TSPAN18: variants seen among roughly 807,000 people sequenced by gnomAD.
TSPAN18 encodes tetraspanin-18.
In TSPAN18, 14 loss-of-function variants were observed where a neutral mutation model predicts 27.3. That is an observed-to-expected ratio of 0.51 (90% confidence interval 0.34 to 0.80). The LOEUF is 0.80. Among genes scored for constraint, TSPAN18 ranks in the 30% least tolerant of loss-of-function variants. The pLI is 0.01. For synonymous variants in TSPAN18, 143 were observed against 136.5 expected (o/e 1.05, Z -0.33); for missense variants, 268 against 323.9 (o/e 0.83, Z 1.32).
intron 2 of TSPAN18, among the ~76,000 whole-genome samples, chr11:44,835,571 T>C (rs1422983432): frequency 6.6e-6 from 1 of 151,878 alleles, no homozygotes; most frequent in Non-Finnish European, 1.5e-5. Context: ...GCAACCCAGC[T>C]TGGATCAAGC....
rs193286200 is a variant in TSPAN18 at position 44,915,203 on chromosome 11, G to T, written c.259-2769G>T. Among the ~76,000 whole-genome samples the T allele has an allele frequency of 2.9e-3, 436 of 152,318 alleles. 2 individuals are homozygous for T. Among genetic ancestry groups the T allele is most frequent in the African/African-American group, 0.01 (418 of 41,576 alleles). On this transcript the variant is annotated intron_variant, in intron 5 of 9. Coordinates refer to ENST00000520358, the MANE Select transcript of TSPAN18 (RefSeq NM_130783.5). ...CAGTGGCTCCAGTGAGAGGGCAGAG[G>T]GTGGGGAGGGGCTCCTCATAGAGGA...
rs910697579 is a variant in TSPAN18 at position 44,930,759 on chromosome 11, G to C, written c.*1581G>C. 2 of 440,486 alleles carry C rather than the reference G, an allele frequency of 4.5e-6. No homozygotes were observed. Among genetic ancestry groups the C allele is most frequent in the Non-Finnish European group, 9.3e-6 (2 of 214,608 alleles). The allele number at this position is 440,486 out of a possible 1,614,324, so 27.3% of individuals were successfully genotyped here. On this transcript the variant is annotated 3_prime_UTR_variant, in exon 10 of 10. Transcript: ENST00000520358. ...CGGCAGTGCAATCCTGATGAGTGAT[G>C]TCTGCCAGGCACCGTAAGTTTGATT...
At chr11:44,889,250 T>C (rs1031010498) in intron 3 of TSPAN18, among the ~76,000 whole-genome samples, 1 of 152,246 alleles carries the variant, frequency 6.6e-6, no homozygotes, top group African/African-American at 2.4e-5. Context: ...AGGCCAGTCC[T>C]GCAAGGTCCT....
chr11:44,921,122 G>A (rs1012292845), intron 8 of TSPAN18, among the ~76,000 whole-genome samples: 2 of 152,178 alleles, frequency 1.3e-5, no homozygotes, highest in Admixed American at 6.5e-5. Context: ...TGAGGGCCAC[G>A]TTCTCTCTGT....
intron 1 of TSPAN18, among the ~76,000 whole-genome samples, chr11:44,728,839 C>G (rs995371389): frequency 6.6e-6 from 1 of 152,210 alleles, no homozygotes; most frequent in Admixed American, 6.5e-5. Flanking sequence ...GGACTATTGC[C>G]TCATCTTTCT....
chr11:44,921,562 C>T (rs1860136508), intron 8 of TSPAN18, among the ~76,000 whole-genome samples: 6 of 152,094 alleles, frequency 3.9e-5, no homozygotes, highest in Admixed American at 3.9e-4. Context: ...AAGTGCTGTG[C>T]CCACCCCTCC....
At chr11:44,896,370 G>T (rs544065362) in intron 3 of TSPAN18, among the ~76,000 whole-genome samples, 1 of 152,164 alleles carries the variant, frequency 6.6e-6, no homozygotes, top group African/African-American at 2.4e-5. Context: ...TTTCCCATTG[G>T]ACTCAGTTTC....
chr11:44,734,252 G>A (rs1854733941), intron 1 of TSPAN18, among the ~76,000 whole-genome samples: 1 of 152,170 alleles, frequency 6.6e-6, no homozygotes, highest in Non-Finnish European at 1.5e-5. Flanking sequence ...AAATTACCCA[G>A]CCTTGTATAC....
chr11:44,752,098 A>C (rs1336879501), intron 1 of TSPAN18, among the ~76,000 whole-genome samples: 2 of 152,182 alleles, frequency 1.3e-5, no homozygotes, highest in Non-Finnish European at 2.9e-5. Context: ...CAACACACCA[A>C]CCCAAAATGG....
In TSPAN18 at chr11:44,873,837, A is replaced by G. The variant is rs151097695; in HGVS notation, c.-11+13368A>G. On this transcript the variant is annotated intron_variant, in intron 3 of 9. Coordinates refer to ENST00000520358, the MANE Select transcript of TSPAN18 (RefSeq NM_130783.5). ...AGAGCATGGGGCAGAGCCCAGAGGG[A>G]GCTGTTATCTGTGAAGGGAGCTGGC... 4.2e-3 allele frequency among the ~76,000 whole-genome samples: 641 copies of G among 152,260 alleles called. 4 individuals are homozygous for G. The highest frequency in any genetic ancestry group is 6.4e-3 in the Admixed American group (98 of 15,300).
At chr11:44,898,481 C>T (rs2135303758) in intron 3 of TSPAN18, among the ~76,000 whole-genome samples, 1 of 152,350 alleles carries the variant, frequency 6.6e-6, no homozygotes, top group East Asian at 1.9e-4. Flanking sequence ...CCTTGAAATC[C>T]TTTGTCTTAG....
intron 2 of TSPAN18, among the ~76,000 whole-genome samples, chr11:44,790,444 C>T (rs1042817086): frequency 4.6e-5 from 6 of 129,348 alleles, no homozygotes; most frequent in African/African-American, 1.5e-4. Flanking sequence ...TACATGTGTT[C>T]GTGTGTGCAT....
chr11:44,903,686 G>A (rs952883867), intron 3 of TSPAN18: 3 of 455,410 alleles, frequency 6.6e-6, no homozygotes, highest in East Asian at 7.0e-5. Context: ...GATGTCATCC[G>A]ATTTTACCTC....
At chr11:44,740,779 C>G (rs76621326) in intron 1 of TSPAN18, among the ~76,000 whole-genome samples, 1,720 of 152,260 alleles carry the variant, frequency 0.011, 26 homozygotes, top group African/African-American at 0.039. Flanking sequence ...AACAAACTCT[C>G]ATGTTCCCTC....
At chr11:44,869,634 G>A (rs1403525141) in intron 3 of TSPAN18, among the ~76,000 whole-genome samples, 1 of 152,144 alleles carries the variant, frequency 6.6e-6, no homozygotes, top group Non-Finnish European at 1.5e-5. Context: ...CCCTTTGATG[G>A]AACCACAGTG....
At chr11:44,852,904 T>C (rs1198944334) in intron 2 of TSPAN18, among the ~76,000 whole-genome samples, 1 of 152,224 alleles carries the variant, frequency 6.6e-6, no homozygotes, top group East Asian at 1.9e-4. Context: ...CTTATAAAAA[T>C]GCTCCTGGCC....
intron 4 of TSPAN18, among the ~76,000 whole-genome samples, chr11:44,906,900 A>G (rs930806878): frequency 1.4e-4 from 21 of 152,250 alleles, no homozygotes; most frequent in African/African-American, 5.1e-4. Context: ...GCCACCGGAT[A>G]TAATCAGAAA....
intron 1 of TSPAN18, among the ~76,000 whole-genome samples, chr11:44,753,371 C>A (rs1855257302): frequency 6.6e-6 from 1 of 152,022 alleles, no homozygotes; most frequent in Non-Finnish European, 1.5e-5. Flanking sequence ...ACCTCACGAT[C>A]CGCCCGCCTC....
intron 2 of TSPAN18, among the ~76,000 whole-genome samples, chr11:44,853,767 TGA>T (rs1428717733): frequency 6.6e-6 from 1 of 152,110 alleles, no homozygotes; most frequent in East Asian, 1.9e-4. Flanking sequence ...GAGGAAGCAC[TGA>T]GAGGAGAGGA....
Sources: allele counts gnomAD v4.1 joint callset (sites outside exome capture counted in the v4.1 genomes callset), GRCh38; gene constraint gnomAD v4.1.1; transcripts MANE v1.5; gene names NCBI Gene and HGNC (gene_info 2026-07-23, HGNC 2026-07-21).